Variants in VWA8 observed in about 807,000 individuals in gnomAD.
VWA8 encodes von Willebrand factor A domain-containing protein 8.
A neutral mutation model predicts 241.5 loss-of-function variants in VWA8; 221 were observed. That is an observed-to-expected ratio of 0.91 (90% CI 0.82 to 1.02). The LOEUF is 1.02. Ranked by LOEUF, VWA8 falls within the 50% of genes least tolerant of loss-of-function variation. The pLI is 0.00. For synonymous variants in VWA8, 852 were observed against 827.1 expected (o/e 1.03, Z -0.52); for missense variants, 2,322 against 2,328.7 (o/e 1.00, Z 0.06).
At chr13:41,698,925 T>C in intron 29 of VWA8, 146 bp downstream of exon 29, 1 of 976,416 alleles carries the variant, frequency 1.0e-6, no homozygotes, top group Non-Finnish European at 1.5e-6. Context: ...GCCTTTGTAG[T>C]ACTGATAAAA....
chr13:41,903,758 CG>C (rs1346827431), intron 4 of VWA8, among the ~76,000 whole-genome samples: 1 of 151,974 alleles, frequency 6.6e-6, no homozygotes, highest in African/African-American at 2.4e-5. Flanking sequence ...TTGGATCTGA[CG>C]GTGGATGTAA....
intron 42 of VWA8, among the ~76,000 whole-genome samples, chr13:41,577,511 C>T (rs1235897160): frequency 6.6e-6 from 1 of 152,168 alleles, no homozygotes; most frequent in Non-Finnish European, 1.5e-5. Flanking sequence ...TAAAGTCATC[C>T]ATGGGTTCAG....
intron 40 of VWA8, 21 bp from the exon 41 acceptor site, chr13:41,590,786 C>G: frequency 2.5e-6 from 4 of 1,612,742 alleles, no homozygotes; most frequent in Non-Finnish European, 3.4e-6. Flanking sequence ...CACACATACA[C>G]ACACAAAGCC....
intron 42 of VWA8, among the ~76,000 whole-genome samples, chr13:41,576,492 G>C (rs2044351156): frequency 6.6e-6 from 1 of 152,158 alleles, no homozygotes. Flanking sequence ...GTTTTAAATG[G>C]AAAGAAACAG....
At chr13:41,616,828 G>A (rs931288398) in intron 37 of VWA8, among the ~76,000 whole-genome samples, 6 of 152,104 alleles carry the variant, frequency 3.9e-5, no homozygotes, top group African/African-American at 7.2e-5. Context: ...ATCAGACAGC[G>A]CAGCTCAGGC....
intron 26 of VWA8, among the ~76,000 whole-genome samples, chr13:41,706,283 C>T (rs375836558): frequency 6.6e-6 from 1 of 152,208 alleles, no homozygotes; most frequent in African/African-American, 2.4e-5. Context: ...ATAGCACTGG[C>T]TGTTTGGTTG....
intron 20 of VWA8, among the ~76,000 whole-genome samples, chr13:41,764,495 C>T (rs575300591): frequency 6.6e-6 from 1 of 152,240 alleles, no homozygotes; most frequent in African/African-American, 2.4e-5. Flanking sequence ...ACACAGACAA[C>T]ACATATAATA....
chr13:41,614,945 G>T (rs778827787), intron 38 of VWA8, 31 bp downstream of exon 38: 3 of 1,608,838 alleles, frequency 1.9e-6, no homozygotes, highest in Non-Finnish European at 2.5e-6. Context: ...CCTGGGGAAG[G>T]CTGACTCAGG....
intron 1 of VWA8, among the ~76,000 whole-genome samples, chr13:41,959,508 A>C (rs534325188): frequency 0.01 from 1,528 of 150,608 alleles, 35 homozygotes; most frequent in African/African-American, 0.034. Context: ...AAAAAAAAAA[A>C]AACAAAAAGT....
At chr13:41,784,861 A>G (rs1041223074) in intron 18 of VWA8, among the ~76,000 whole-genome samples, 1 of 149,752 alleles carries the variant, frequency 6.7e-6, no homozygotes, top group Non-Finnish European at 1.5e-5. Flanking sequence ...CACCCAGGTG[A>G]TTTTCATACC....
At chr13:41,698,834 C>T (rs908298533) in intron 29 of VWA8, among the ~76,000 whole-genome samples, 8 of 152,086 alleles carry the variant, frequency 5.3e-5, no homozygotes, top group African/African-American at 1.4e-4. Flanking sequence ...TCAATAGTGT[C>T]GAGGTTGAAA....
At chr13:41,782,061 C>T (rs1241538789) in intron 19 of VWA8, among the ~76,000 whole-genome samples, 4 of 152,190 alleles carry the variant, frequency 2.6e-5, no homozygotes. Flanking sequence ...AATCAAGCTA[C>T]TGTCCGTACA....
rs547850846 is a variant in VWA8, at chr13:41,889,770, C to A, written c.651+1650G>T. Among the ~76,000 whole-genome samples the A allele has an allele frequency of 7.2e-5, 11 of 152,126 alleles. No individual in the cohort carries two copies. In the East Asian group the frequency reaches 1.7e-3, roughly 24 times the overall value. On this transcript the variant is annotated intron_variant, in intron 5 of 44. Transcript: ENST00000379310. Reference sequence around the variant, plus strand: ...CAGAATTCTACTATAAAGAATATATCAAACTTTTTGTTGTGAAGTAACTCC... The same window carrying A: ...CAGAATTCTACTATAAAGAATATATAAAACTTTTTGTTGTGAAGTAACTCC...
rs1205545684 is a variant in VWA8 at position 41,881,371 on chromosome 13, CCGGG to C, written c.1080+2012_1080+2015del. 9.1e-4 allele frequency among the ~76,000 whole-genome samples: 10 copies of C among 10,984 alleles called. 1 individual carries two copies. Among genetic ancestry groups the C allele is most frequent in the African/African-American group, 1.9e-3 (8 of 4,204 alleles). The allele number at this position is 10,984 out of a possible 152,430, so 7.2% of individuals were successfully genotyped here. A position where few individuals can be genotyped will look rare whatever the true frequency, so the allele number is the denominator to read the frequency against. On this transcript the variant is annotated intron_variant, in intron 9 of 44. Coordinates refer to ENST00000379310, the MANE Select transcript of VWA8 (RefSeq NM_015058.2). ...ACTAGAACATCATAGTTTTTTTTTG[CCGGG>C]GGGGGGGGGGGGGGGGTAAGGTCAC...
chr13:41,810,769 C>T (rs1484965604), intron 17 of VWA8, among the ~76,000 whole-genome samples: 2 of 151,720 alleles, frequency 1.3e-5, no homozygotes, highest in Admixed American at 1.3e-4. Flanking sequence ...ATAATTGGAA[C>T]GTTCATAATG....
chr13:41,944,422 T>C (rs977699069), intron 2 of VWA8, among the ~76,000 whole-genome samples: 3 of 152,140 alleles, frequency 2.0e-5, no homozygotes, highest in African/African-American at 7.2e-5. Context: ...GCAGGAGGCA[T>C]GCAGTTGCAC....
Position 41,907,708 on chromosome 13 carries a change from A to G in VWA8, c.373-12T>C. 3 of 1,605,724 alleles carry G rather than the reference A, an allele frequency of 1.9e-6. No homozygotes were observed. The highest frequency in any genetic ancestry group is 2.6e-6 in the Non-Finnish European group (3 of 1,172,896). ...CGTTTGGTCAGCTCCTGTAGAGAAG[A>G]GAATGAAATTATTCCAAAAATAAAA... On this transcript the variant is annotated splice_polypyrimidine_tract_variant and intron_variant, in intron 3 of 44. Coordinates refer to ENST00000379310, the MANE Select transcript of VWA8 (RefSeq NM_015058.2).
chr13:41,909,779 C>A (rs1205417971), intron 3 of VWA8, among the ~76,000 whole-genome samples: 1 of 152,234 alleles, frequency 6.6e-6, no homozygotes, highest in Non-Finnish European at 1.5e-5. Flanking sequence ...AGTACATTCA[C>A]AAACAGCCCC....
At chr13:41,573,474 T>TAAAAA (rs543021636) in intron 43 of VWA8, among the ~76,000 whole-genome samples, 5 of 126,724 alleles carry the variant, frequency 3.9e-5, no homozygotes, top group African/African-American at 6.8e-5. Flanking sequence ...GGCTATAGTT[T>TAAAAA]AAAAAAAAAA....
Sources: gnomAD v4.1 joint callset for allele counts (sites outside exome capture counted in the v4.1 genomes callset) on GRCh38, gnomAD v4.1.1 for gene constraint, MANE v1.5 for transcripts, NCBI Gene and HGNC (gene_info 2026-07-23, HGNC 2026-07-21) for gene names.